The following DOP1B variants were observed in gnomAD, a reference collection of about 807,000 sequenced individuals.
DOP1B encodes DOP1 leucine zipper like protein B, also known as protein DOP1B.
DOP1B carries 174 observed loss-of-function variants against 233.5 expected under a neutral mutation model. That is an observed-to-expected ratio of 0.75 (90% CI 0.66 to 0.85). DOP1B has a LOEUF of 0.85. Ranked by LOEUF, DOP1B falls within the 40% of genes least tolerant of loss-of-function variation. The pLI, the probability that DOP1B is intolerant of heterozygous loss-of-function variation, is 0.00. For missense variants in DOP1B, 2,652 were observed against 2,846.6 expected (o/e 0.93, Z 1.56); for synonymous variants, 1,190 against 1,185.6 (o/e 1.00, Z -0.08).
intron 4 of DOP1B, among the ~76,000 whole-genome samples, chr21:36,203,705 G>A (rs113414013): frequency 3.3e-5 from 5 of 152,204 alleles, no homozygotes; most frequent in African/African-American, 1.2e-4. Flanking sequence ...GGTTGAGCTG[G>A]TGAAGGCTGG....
chr21:36,200,629 G>A (rs1256364135), intron 4 of DOP1B, 128 bp downstream of exon 4: 4 of 1,160,716 alleles, frequency 3.4e-6, no homozygotes, highest in South Asian at 3.5e-5. Context: ...GGATCACAAG[G>A]TCAGGAGATG....
intron 2 of DOP1B, among the ~76,000 whole-genome samples, chr21:36,193,949 C>G (rs1299497095): frequency 6.6e-6 from 1 of 152,174 alleles, no homozygotes; most frequent in Non-Finnish European, 1.5e-5. Context: ...ATGCTAAATT[C>G]TTTATACATG....
At chr21:36,237,190 CTGAG>C (rs1349495880) in intron 15 of DOP1B, 68 bp from the exon 16 acceptor site, 34 of 1,594,570 alleles carry the variant, frequency 2.1e-5, no homozygotes, top group Admixed American at 8.4e-5. Context: ...CTGGGACTGA[CTGAG>C]TGAGGATGTG....
intron 23 of DOP1B, among the ~76,000 whole-genome samples, chr21:36,255,274 G>C (rs1012761607): frequency 6.6e-6 from 1 of 151,712 alleles, no homozygotes; most frequent in Non-Finnish European, 1.5e-5. Context: ...TGGGATTACA[G>C]GTGCGCACCA....
intron 10 of DOP1B, among the ~76,000 whole-genome samples, chr21:36,221,041 C>T (rs2066617460): frequency 1.3e-5 from 2 of 151,842 alleles, no homozygotes; most frequent in Non-Finnish European, 2.9e-5. Context: ...GAATTCCTGG[C>T]CTCAAGCAGT....
At chr21:36,201,541 T>A (rs1040654462) in intron 4 of DOP1B, among the ~76,000 whole-genome samples, 1 of 151,516 alleles carries the variant, frequency 6.6e-6, no homozygotes, top group Admixed American at 6.6e-5. Context: ...AGAGATGGGG[T>A]TTCCCTCTGG....
chr21:36,192,448 C>T (rs1413537115), intron 2 of DOP1B, among the ~76,000 whole-genome samples: 1 of 150,186 alleles, frequency 6.7e-6, no homozygotes, highest in Non-Finnish European at 1.5e-5. Flanking sequence ...GGCATGATCA[C>T]AGCTCACTGC....
chr21:36,169,721 C>G, intron 2 of DOP1B: 1 of 990,788 alleles, frequency 1.0e-6, no homozygotes, highest in Non-Finnish European at 1.6e-6. Context: ...GCAGTGCTTC[C>G]TCATGCTGCT....
chr21:36,272,713 G>T (rs375589087), intron 27 of DOP1B, among the ~76,000 whole-genome samples: 3 of 141,666 alleles, frequency 2.1e-5, no homozygotes, highest in Admixed American at 7.1e-5. Flanking sequence ...GGCCGGGCGC[G>T]GTGGCTCACG....
intron 4 of DOP1B, among the ~76,000 whole-genome samples, chr21:36,201,342 ATTC>A (rs2066363496): frequency 2.1e-5 from 1 of 46,982 alleles, no homozygotes. Context: ...TATCTATTGG[ATTC>A]TTTTTTTTTT....
intron 2 of DOP1B, among the ~76,000 whole-genome samples, chr21:36,186,084 T>C (rs190167975): frequency 6.6e-6 from 1 of 152,168 alleles, no homozygotes; most frequent in East Asian, 1.9e-4. Flanking sequence ...GCGCCTGTAA[T>C]CCCAGCTACT....
intron 18 of DOP1B, among the ~76,000 whole-genome samples, chr21:36,242,930 T>C (rs1056084322): frequency 4.6e-5 from 7 of 152,208 alleles, no homozygotes; most frequent in African/African-American, 1.7e-4. Flanking sequence ...TGTGCCTTTA[T>C]CTTGTTTGAT....
intron 27 of DOP1B, among the ~76,000 whole-genome samples, chr21:36,276,091 G>A (rs899602786): frequency 1.3e-5 from 2 of 152,062 alleles, no homozygotes; most frequent in African/African-American, 4.8e-5. Context: ...AGAGAAGAAG[G>A]CCAGGGGCTT....
chr21:36,274,398 T>G (rs1488158760), intron 27 of DOP1B, among the ~76,000 whole-genome samples: 4 of 152,172 alleles, frequency 2.6e-5, no homozygotes, highest in Non-Finnish European at 5.9e-5. Context: ...GGTTTTTGGC[T>G]TAAGCAATTT....
At chr21:36,292,861 G>T (rs2067575474) in intron 36 of DOP1B, among the ~76,000 whole-genome samples, 1 of 152,064 alleles carries the variant, frequency 6.6e-6, no homozygotes, top group Admixed American at 6.6e-5. Context: ...TGATCCGCCT[G>T]CTTCAGCCTC....
chr21:36,212,894 G>C (rs1211995719), intron 7 of DOP1B, among the ~76,000 whole-genome samples: 2 of 152,142 alleles, frequency 1.3e-5, no homozygotes, highest in African/African-American at 4.8e-5. Flanking sequence ...TGGTTCTCCT[G>C]CCTCAGCCTC....
intron 2 of DOP1B, among the ~76,000 whole-genome samples, 156 bp from the exon 3 acceptor site, chr21:36,198,914 C>CT (rs1303950605): frequency 1.3e-5 from 2 of 152,214 alleles, no homozygotes. Flanking sequence ...GCTGTGGACT[C>CT]TCGCCATGCA....
At chr21:36,173,067 C>T (rs2123410765) in intron 2 of DOP1B, among the ~76,000 whole-genome samples, 1 of 151,736 alleles carries the variant, frequency 6.6e-6, no homozygotes, top group East Asian at 2.0e-4. Flanking sequence ...TTGCAGTGAG[C>T]CAAGATTGCA....
At chr21:36,286,944 AC>A (rs1414689252) in intron 32 of DOP1B, among the ~76,000 whole-genome samples, 1 of 151,932 alleles carries the variant, frequency 6.6e-6, no homozygotes, top group Non-Finnish European at 1.5e-5. Flanking sequence ...AGCCTGGGCA[AC>A]AGAGTGAGAC....
Sources: gnomAD v4.1 joint callset for allele counts (sites outside exome capture counted in the v4.1 genomes callset) on GRCh38, gnomAD v4.1.1 for gene constraint, MANE v1.5 for transcripts, NCBI Gene and HGNC (gene_info 2026-07-23, HGNC 2026-07-21) for gene names.